The following FLG variants were observed in gnomAD, a reference collection of about 807,000 sequenced individuals.
The protein encoded by FLG is epidermal filaggrin.
FLG carries 6 observed loss-of-function variants against 3.8 expected under a neutral mutation model. That is an observed-to-expected ratio of 1.60 (90% CI 0.87 to 3.15). The LOEUF is 3.15. Among genes scored for constraint, FLG ranks in the 30% most tolerant of loss-of-function variants. The pLI, the probability that FLG is intolerant of heterozygous loss-of-function variation, is 0.00. For missense variants in FLG, 7,595 were observed against 5,050.9 expected (o/e 1.50, Z -15.27); for synonymous variants, 2,551 against 1,931.6 (o/e 1.32, Z -8.41).
Position 152,305,466 on chromosome 1 carries a change from G to C in FLG, c.9420C>G (p.His3140Gln). The change falls in exon 3 of 3, where the codon CAC (histidine) becomes CAG (glutamine). Residue 3140 changes from histidine (H) to glutamine (Q), a missense_variant. Transcript: ENST00000368799. Reference protein sequence around the residue: ...VDSSGHSGSHHSHTTSQGRSD... With the variant: ...VDSSGHSGSHQSHTTSQGRSD... ...ACCTTCCCTGGGATGTGGTGTGGCT[G>C]TGATGGGACCCTGAGTGTCCAGAGC... 2 of 1,589,052 alleles carry C rather than the reference G, an allele frequency of 1.3e-6. No homozygotes were observed. The highest frequency in any genetic ancestry group is 1.7e-6 in the Non-Finnish European group (2 of 1,172,954).
rs141145933 is a variant in FLG, at chr1:152,303,047, G to C, written c.11839C>G (p.Arg3947Gly). ...DSAYHSGIQS[R>G]GSPHSSSSYH... is the part of the protein sequence containing the mutation. ...GAACTAGAACTGTGAGGACTGCCAC[G>C]TGACTGTATTCCTGAGTGATACGCA... The change falls in exon 3 of 3, where the codon CGT (arginine) becomes GGT (glycine). Residue 3947 changes from arginine to glycine, a missense_variant. Coordinates refer to ENST00000368799, the MANE Select transcript of FLG (RefSeq NM_002016.2). The C allele has an allele frequency of 6.2e-7, 1 of 1,614,134 alleles. No homozygotes were observed. The highest frequency in any genetic ancestry group is 8.5e-7 in the Non-Finnish European group (1 of 1,180,022).
chr1:152,317,453 A>G (rs1652821982), intron 1 of FLG, among the ~76,000 whole-genome samples: 1 of 152,032 alleles, frequency 6.6e-6, no homozygotes, highest in South Asian at 2.1e-4. Context: ...AAATCCACAT[A>G]TCCATTTTTA....
At position 152,308,233 on chromosome 1, in the gene FLG, T is replaced by G. The variant is rs759770116; in HGVS notation, c.6653A>C (p.Asp2218Ala). 16 of 1,613,994 alleles carry G rather than the reference T, an allele frequency of 9.9e-6. No individual in the cohort carries two copies. Among genetic ancestry groups the G allele is most frequent in the Non-Finnish European group, 1.2e-5 (14 of 1,179,938 alleles). Residue 2218 changes from aspartate (D) to alanine (A), a missense_variant, in exon 3 of 3, where the codon GAC (aspartate) becomes GCC (alanine). Asp to Ala is a moderately radical substitution (Grantham distance 126). Transcript: ENST00000368799. ...GCCCACCAGTGAGTGTCTAGAGCTGTCGGCCCAAGAGGAAGCTTCATGATG... is the reference window on the plus strand; with the variant it reads ...GCCCACCAGTGAGTGTCTAGAGCTGGCGGCCCAAGAGGAAGCTTCATGATG... ...SHHHEASSWA[D>A]SSRHSLVGQG...
Position 152,310,111 on chromosome 1 carries a change from G to C in FLG, c.4775C>G (p.Ser1592Cys). The change falls in exon 3 of 3, where the codon TCC becomes TGC. Residue 1592 changes from serine to cysteine, a missense_variant. Ser to Cys is a moderately radical substitution (Grantham distance 112). Coordinates refer to ENST00000368799, the MANE Select transcript of FLG (RefSeq NM_002016.2). The stretch of plus-strand genomic sequence containing the variant: ...ACTGTCCCTGTCCTGACTAACACTG[G>C]ATCCCTGGCGCCTGCTTGTCTTGGA... ...AGSKTSRRQG[S>C]SVSQDRDSEG... 2 of 1,613,938 alleles carry C rather than the reference G, an allele frequency of 1.2e-6. No homozygotes were observed. The highest frequency in any genetic ancestry group is 1.7e-6 in the Non-Finnish European group (2 of 1,179,978).
rs535289157 is a variant in FLG at position 152,309,747 on chromosome 1, C to G, written c.5139G>C (p.Gly1713=). 8 of 1,613,726 alleles carry G rather than the reference C, an allele frequency of 5.0e-6. No individual in the cohort carries two copies. The highest frequency in any genetic ancestry group is 6.8e-6 in the Non-Finnish European group (8 of 1,179,916). Residue 1713 remains glycine, a synonymous_variant, in exon 3 of 3, where the codon GGG becomes GGC. Coordinates refer to ENST00000368799, the MANE Select transcript of FLG (RefSeq NM_002016.2). ...SSVVGDSGNR[G]SSGSQASDSE... The stretch of plus-strand genomic sequence containing the variant: ...TGTCACTGGCCTGGCTACCACTGGA[C>G]CCTCGGTTTCCACTGTCTCCGACTA...
rs1408032458 is a variant in FLG, at chr1:152,311,641, T to A, written c.3245A>T (p.Asp1082Val). Residue 1082 changes from aspartate (D) to valine (V), a missense_variant, in exon 3 of 3, where the codon GAC becomes GTC. Physicochemically the swap from Asp to Val is radical, Grantham distance 152 (BLOSUM62 -3). Transcript: ENST00000368799. ...TCCATGGCCTGACACTGACTGTGTG[T>A]CTGACTCCTCTGAATGTCCCTCACT... ...SDSEGHSEES[D>V]TQSVSGHGQD... 6.2e-7 allele frequency: 1 copy of A among 1,614,018 alleles called. No homozygotes were observed. Among genetic ancestry groups the A allele is most frequent in the African/African-American group, 1.3e-5 (1 of 74,900 alleles).
In FLG at chr1:152,312,060, C is replaced by T. The variant is rs752577708; in HGVS notation, c.2826G>A (p.Gln942=). The T allele has an allele frequency of 1.7e-5, 27 of 1,614,124 alleles. No individual in the cohort carries two copies. Among genetic ancestry groups the T allele is most frequent in the Non-Finnish European group, 2.2e-5 (26 of 1,180,012 alleles). The change falls in exon 3 of 3, where the codon CAG becomes CAA. Residue 942 remains glutamine (Q), a synonymous_variant. Coordinates refer to ENST00000368799, the MANE Select transcript of FLG (RefSeq NM_002016.2). ...CACTGTCCTGGCTAACACTGGATCCCTGGCGCCTGCTTGTCCTGGACCCCT... is the reference window on the plus strand; with the variant it reads ...CACTGTCCTGGCTAACACTGGATCCTTGGCGCCTGCTTGTCCTGGACCCCT... ...QSEGSRTSRR[Q]GSSVSQDSDS... is the part of the protein sequence containing the mutation.
chr1:152,321,969 C>G (rs1393331558), intron 1 of FLG, among the ~76,000 whole-genome samples: 1 of 150,950 alleles, frequency 6.6e-6, no homozygotes, highest in Non-Finnish European at 1.5e-5. Context: ...ACATTTTATT[C>G]CAAAATTCAT....
Position 152,305,223 on chromosome 1 carries a change from A to G in FLG, c.9663T>C (p.Ser3221=). Residue 3221 remains serine (S), a synonymous_variant, in exon 3 of 3, where the codon AGT becomes AGC. Coordinates refer to ENST00000368799, the MANE Select transcript of FLG (RefSeq NM_002016.2). ...QGSSVSQDSD[S]EGHSEDSERW... ...TCTCAGAGTCTTCTGAATGTCCCTC[A>G]CTGTCACTGTCCTGGCTCACACTGG... 9 of 1,612,958 alleles carry G rather than the reference A, an allele frequency of 5.6e-6. No homozygotes were observed. Among genetic ancestry groups the G allele is most frequent in the Non-Finnish European group, 7.6e-6 (9 of 1,179,782 alleles).
In FLG at chr1:152,310,453, C is replaced by G. The variant is rs769152063; in HGVS notation, c.4433G>C (p.Arg1478Thr). The change falls in exon 3 of 3, where the codon AGG (arginine) becomes ACG (threonine). Residue 1478 changes from arginine to threonine, a missense_variant. Transcript: ENST00000368799. Reference sequence around the variant, plus strand: ...CTGACCGTCTTGGGATGCTGAGTGCCTAGAGCTGTTTCGTGCCTGCTCATG... The same window carrying G: ...CTGACCGTCTTGGGATGCTGAGTGCGTAGAGCTGTTTCGTGCCTGCTCATG... Reference protein sequence around the residue: ...SRHEQARNSSRHSASQDGQDT... With the variant: ...SRHEQARNSSTHSASQDGQDT... 1 of 1,613,524 alleles carries G rather than the reference C, an allele frequency of 6.2e-7. No homozygotes were observed. The highest frequency in any genetic ancestry group is 1.1e-5 in the South Asian group (1 of 91,056).
At position 152,304,539 on chromosome 1, in the gene FLG, G is replaced by A. The variant is rs755699283; in HGVS notation, c.10347C>T (p.His3449=). The A allele has an allele frequency of 2.5e-6, 4 of 1,611,770 alleles. No homozygotes were observed. Among genetic ancestry groups the A allele is most frequent in the Non-Finnish European group, 3.4e-6 (4 of 1,179,032 alleles). ...GSSRRGRQGS[H]YEQSVDRSGH... is the part of the protein sequence containing the mutation. ...CAGACCTATCTACCGATTGCTCGTA[G>A]TGGGATCCCTGCCTTCCTCTTCTGC... Residue 3449 remains histidine, a synonymous_variant, in exon 3 of 3, where the codon CAC becomes CAT. Coordinates refer to ENST00000368799, the MANE Select transcript of FLG (RefSeq NM_002016.2).
rs1330129608 is a variant in FLG, at chr1:152,309,902, A to G, written c.4984T>C (p.Ser1662Pro). ...QSGTRHAETS[S>P]GGQAASSQEQ... ...TGGGATGATGCAGCCTGTCCACCAG[A>G]GGAAGTCTCTGCATGACGAGTGCCT... is the stretch of plus-strand genomic sequence containing the variant. The change falls in exon 3 of 3, where the codon TCT (serine) becomes CCT (proline). Residue 1662 changes from serine to proline, a missense_variant. Coordinates refer to ENST00000368799, the MANE Select transcript of FLG (RefSeq NM_002016.2). 3 of 1,614,020 alleles carry G rather than the reference A, an allele frequency of 1.9e-6. No homozygotes were observed. The highest frequency in any genetic ancestry group is 1.1e-5 in the South Asian group (1 of 91,066).
At position 152,306,243 on chromosome 1, in the gene FLG, G is replaced by C. The variant is rs776829995; in HGVS notation, c.8643C>G (p.Ser2881=). 2.5e-5 allele frequency: 40 copies of C among 1,605,018 alleles called. 2 individuals carry two copies. The South Asian group carries it at 4.2e-4, about 17-fold the overall frequency. Residue 2881 remains serine, a synonymous_variant, in exon 3 of 3, where the codon TCC becomes TCG. Coordinates refer to ENST00000368799, the MANE Select transcript of FLG (RefSeq NM_002016.2). Reference sequence around the variant, plus strand: ...TGGATCCCTGGCGCCTGCTTCTCCTGGACCCCTCTGATTGTCCCTGGACTG... The same window carrying C: ...TGGATCCCTGGCGCCTGCTTCTCCTCGACCCCTCTGATTGTCCCTGGACTG... ...SQAVQGQSEG[S]RRSRRQGSSV...
At position 152,313,228 on chromosome 1, in the gene FLG, C is replaced by T; in HGVS notation, c.1658G>A (p.Gly553Glu). 3 of 1,613,890 alleles carry T rather than the reference C, an allele frequency of 1.9e-6. No homozygotes were observed. The highest frequency in any genetic ancestry group is 2.2e-5 in the South Asian group (2 of 91,068). ...GSHHSHTTSQGRSDASHGQSG... is the reference protein window; with the variant it reads ...GSHHSHTTSQERSDASHGQSG... ...CTGCCCATGGGAGGCATCAGACCTT[C>T]CCTGGGATGTGGTGTGGCTGTGATG... Residue 553 changes from glycine to glutamate, a missense_variant, in exon 3 of 3, where the codon GGA becomes GAA. Gly to Glu is a moderately conservative substitution (Grantham distance 98, BLOSUM62 -2). Transcript: ENST00000368799.
Position 152,311,012 on chromosome 1 carries a change from T to C in FLG, c.3874A>G (p.Arg1292Gly), listed in dbSNP as rs139579576. The change falls in exon 3 of 3, where the codon AGA becomes GGA. Residue 1292 changes from arginine to glycine, a missense_variant. Physicochemically the swap from Arg to Gly is moderately radical, Grantham distance 125. Coordinates refer to ENST00000368799, the MANE Select transcript of FLG (RefSeq NM_002016.2). ...DSERLSGSAS[R>G]NHHGSSREQS... The stretch of plus-strand genomic sequence containing the variant: ...TCCCGAGAAGATCCATGATGGTTTC[T>C]GGAAGCAGACCCAGACAACCTCTCG... 2.2e-5 allele frequency: 35 copies of C among 1,613,976 alleles called. 1 individual carries two copies. In the African/African-American group the frequency reaches 4.1e-4, roughly 19 times the overall value.
chr1:152,313,569 G>A lies in FLG; in HGVS notation c.1317C>T (p.Gly439=). The A allele has an allele frequency of 6.2e-7, 1 of 1,613,944 alleles. No individual in the cohort carries two copies. The highest frequency in any genetic ancestry group is 8.5e-7 in the Non-Finnish European group (1 of 1,180,000). ...GCTGTCTCAGCCCAGCCTTTCCGTG[G>A]CCTGACACTGATTGTGTGTCTGAGT... is the stretch of plus-strand genomic sequence containing the variant. The part of the protein sequence containing the change: ...SENSDTQSVS[G]HGKAGLRQQS... The change falls in exon 3 of 3, where the codon GGC becomes GGT. Residue 439 remains glycine, a synonymous_variant. Transcript: ENST00000368799.
rs149106390 is a variant in FLG, at chr1:152,311,900, C to T, written c.2986G>A (p.Gly996Arg). 1,556 of 1,614,072 alleles carry T rather than the reference C, an allele frequency of 9.6e-4. 29 individuals are homozygous for T. The East Asian group carries it at 0.031, about 32-fold the overall frequency. ...RSHHEDRAGHGHSADSSRQSG... is the reference protein window; with the variant it reads ...RSHHEDRAGHRHSADSSRQSG... Reference sequence around the variant, plus strand: ...TGTCTGGAGCTGTCTGCAGAGTGCCCGTGACCGGCTCTGTCTTCGTGATGG... The same window carrying T: ...TGTCTGGAGCTGTCTGCAGAGTGCCTGTGACCGGCTCTGTCTTCGTGATGG... Residue 996 changes from glycine to arginine, a missense_variant, in exon 3 of 3, where the codon GGG becomes AGG. By Grantham distance (125) the Gly-to-Arg change is moderately radical (BLOSUM62 -2). Coordinates refer to ENST00000368799, the MANE Select transcript of FLG (RefSeq NM_002016.2).
At position 152,303,407 on chromosome 1, in the gene FLG, C is replaced by G; in HGVS notation, c.11479G>C (p.Gly3827Arg). The change falls in exon 3 of 3, where the codon GGG (glycine) becomes CGG (arginine). Residue 3827 changes from glycine (G) to arginine (R), a missense_variant. By Grantham distance (125) the Gly-to-Arg change is moderately radical (BLOSUM62 -2). Transcript: ENST00000368799. The stretch of plus-strand genomic sequence containing the variant: ...GTGGAAGCTTCATGGTGACGCGACC[C>G]TGAGTGCCTGGAGCCGTCTCCTGAC... The part of the protein sequence containing the change: ...EQSGDGSRHS[G>R]SRHHEASTQA... 1 of 1,614,092 alleles carries G rather than the reference C, an allele frequency of 6.2e-7. No individual in the cohort carries two copies. The highest frequency in any genetic ancestry group is 1.3e-5 in the African/African-American group (1 of 75,016).
At position 152,305,331 on chromosome 1, in the gene FLG, A is replaced by T; in HGVS notation, c.9555T>A (p.Ala3185=). 1.2e-6 allele frequency: 2 copies of T among 1,609,402 alleles called. No homozygotes were observed. The highest frequency in any genetic ancestry group is 1.7e-6 in the Non-Finnish European group (2 of 1,178,964). The change falls in exon 3 of 3, where the codon GCT becomes GCA. Residue 3185 remains alanine, a synonymous_variant. Transcript: ENST00000368799. ...GTCTAGAGATGTCGGCATGAGTGGA[A>T]GCTTCATGGTGACGTGACACTGAGT... The part of the protein sequence containing the change: ...SRHSVSRHHE[A]STHADISRHS...
Sources: gnomAD v4.1 joint callset for allele counts (sites outside exome capture counted in the v4.1 genomes callset) on GRCh38, gnomAD v4.1.1 for gene constraint, MANE v1.5 for transcripts, NCBI Gene and HGNC (gene_info 2026-07-23, HGNC 2026-07-21) for gene names.